CAMSAP2: variants seen among roughly 807,000 people sequenced by gnomAD.
The protein encoded by CAMSAP2 is calmodulin regulated spectrin associated protein family member 2.
Under a neutral mutation model 146.1 loss-of-function variants are expected in CAMSAP2, and 26 were observed. The ratio of observed to expected loss-of-function variants is 0.18; its 90% CI spans 0.13 to 0.25. The LOEUF is 0.25. CAMSAP2 is among the 10% of genes least tolerant of loss of function. The pLI, the probability that CAMSAP2 is intolerant of heterozygous loss-of-function variation, is 1.00. For missense variants in CAMSAP2, 1,381 were observed against 1,759.3 expected (o/e 0.78, Z 3.85); for synonymous variants, 499 against 596.6 (o/e 0.84, Z 2.38).
chr1:200,785,616 G>A (rs1400008018), intron 2 of CAMSAP2, among the ~76,000 whole-genome samples: 1 of 152,028 alleles, frequency 6.6e-6, no homozygotes, highest in Non-Finnish European at 1.5e-5. Context: ...TCTCGAACTC[G>A]TGACCTCAAG....
At chr1:200,782,506 G>A (rs568506570) in intron 2 of CAMSAP2, among the ~76,000 whole-genome samples, 63 of 152,124 alleles carry the variant, frequency 4.1e-4, no homozygotes, top group African/African-American at 1.3e-3. Context: ...CAGTTCTGTC[G>A]TTGTAGATTA....
At chr1:200,750,901 CTTTT>C (rs55953656) in intron 1 of CAMSAP2, among the ~76,000 whole-genome samples, 3 of 91,580 alleles carry the variant, frequency 3.3e-5, no homozygotes, top group Non-Finnish European at 4.5e-5. Flanking sequence ...CCGCGCCTGC[CTTTT>C]TTTTTTTTTT....
chr1:200,806,759 G>A (rs1201420299), intron 2 of CAMSAP2, among the ~76,000 whole-genome samples: 34 of 132,212 alleles, frequency 2.6e-4, no homozygotes, highest in African/African-American at 9.3e-4. Context: ...GTGTGTGTGT[G>A]TGTGTGTATC....
At chr1:200,786,938 A>C (rs6691268) in intron 2 of CAMSAP2, among the ~76,000 whole-genome samples, 110,055 of 151,692 alleles carry the variant, frequency 0.73, 39,998 homozygotes, top group Middle Eastern at 0.78. Flanking sequence ...ATAAGTAGAA[A>C]AACAAAGCCT....
intron 4 of CAMSAP2, among the ~76,000 whole-genome samples, chr1:200,824,700 C>T (rs954241563): frequency 7.9e-5 from 12 of 152,104 alleles, no homozygotes; most frequent in Admixed American, 2.6e-4. Context: ...ACCTACTGGC[C>T]GGGCATGGTG....
rs917484132 is a variant in CAMSAP2 at position 200,739,195 on chromosome 1, G to A, written c.-633G>A. On this transcript the variant is annotated 5_prime_UTR_variant, in exon 1 of 17. Transcript: ENST00000358823. The surrounding 1 kb of genome is among the most constrained non-coding windows in gnomAD (Gnocchi z 4.8). ...ACGGGCCGGCGGCGGCCTGTGAGCC[G>A]CAGTGATTTTGACGTTTTCCGCTGC... Among the ~76,000 whole-genome samples the A allele has an allele frequency of 2.0e-5, 3 of 151,998 alleles. No individual in the cohort carries two copies. Among genetic ancestry groups the A allele is most frequent in the African/African-American group, 7.2e-5 (3 of 41,414 alleles).
intron 2 of CAMSAP2, among the ~76,000 whole-genome samples, chr1:200,775,779 C>CG (rs1337546949): frequency 6.6e-6 from 1 of 152,164 alleles, no homozygotes; most frequent in African/African-American, 2.4e-5. Context: ...GATCCACCCC[C>CG]CTCGGCCTCC....
chr1:200,854,984 T>C, intron 14 of CAMSAP2, 95 bp downstream of exon 14: 1 of 856,492 alleles, frequency 1.2e-6, no homozygotes, highest in Non-Finnish European at 1.8e-6. Context: ...TTTTTACATT[T>C]TATAATGACC....
At chr1:200,804,514 A>G (rs971644529) in intron 2 of CAMSAP2, among the ~76,000 whole-genome samples, 2 of 152,234 alleles carry the variant, frequency 1.3e-5, no homozygotes, top group African/African-American at 4.8e-5. Context: ...TCTTAAGAGT[A>G]CATGAATGAT....
intron 13 of CAMSAP2, among the ~76,000 whole-genome samples, chr1:200,854,279 G>T (rs141732515): frequency 3.3e-5 from 5 of 152,200 alleles, no homozygotes; most frequent in Non-Finnish European, 5.9e-5. Context: ...ACTGCGCCTG[G>T]CCATACTCTT....
rs1667650082 is a variant in CAMSAP2 at position 200,852,616 on chromosome 1, G to A, written c.3541G>A (p.Glu1181Lys). 1 of 1,613,788 alleles carries A rather than the reference G, an allele frequency of 6.2e-7. No homozygotes were observed. Among genetic ancestry groups the A allele is most frequent in the South Asian group, 1.1e-5 (1 of 91,050 alleles). ...LLEKRLRREK[E>K]TQLRKQQLEA... is the part of the protein sequence containing the mutation. ...GGAGAAAAGATTAAGAAGGGAAAAG[G>A]AAACTCAGCTCCGGAAACAACAGTT... is the stretch of plus-strand genomic sequence containing the variant. Residue 1181 changes from glutamate to lysine, a missense_variant, in exon 12 of 17, where the codon GAA becomes AAA. Transcript: ENST00000358823.
At chr1:200,794,383 T>C (rs889118301) in intron 2 of CAMSAP2, among the ~76,000 whole-genome samples, 3 of 152,200 alleles carry the variant, frequency 2.0e-5, no homozygotes, top group Admixed American at 6.5e-5. Flanking sequence ...CTTTCTTCTT[T>C]CCCTATCTCT....
At chr1:200,801,861 G>A (rs979916443) in intron 2 of CAMSAP2, among the ~76,000 whole-genome samples, 4 of 152,064 alleles carry the variant, frequency 2.6e-5, no homozygotes, top group East Asian at 1.9e-4. Flanking sequence ...TCTTTAACTC[G>A]TCTTAGTACC....
At position 200,739,998 on chromosome 1, in the gene CAMSAP2, C is replaced by G; in HGVS notation, c.139+32C>G. 6.2e-7 allele frequency: 1 copy of G among 1,609,432 alleles called. No homozygotes were observed. The highest frequency in any genetic ancestry group is 2.2e-5 in the East Asian group (1 of 44,808). ...GGTGTCACCCTTTCCCTCCCCTCTT[C>G]CTCCTGATGTGGTCCACATCTCGGT... On this transcript the variant is annotated intron_variant, in intron 1 of 16. Coordinates refer to ENST00000358823, the MANE Select transcript of CAMSAP2 (RefSeq NM_203459.4). The surrounding 1 kb of genome is among the most constrained non-coding windows in gnomAD (Gnocchi z 4.8).
chr1:200,760,305 C>A (rs1664765603), intron 1 of CAMSAP2, among the ~76,000 whole-genome samples: 1 of 152,154 alleles, frequency 6.6e-6, no homozygotes, highest in South Asian at 2.1e-4. Context: ...TGTCAGCAAG[C>A]TAAGCATGAA....
intron 2 of CAMSAP2, among the ~76,000 whole-genome samples, chr1:200,770,817 C>T (rs889694508): frequency 3.0e-4 from 45 of 152,064 alleles, no homozygotes; most frequent in Non-Finnish European, 6.6e-4. Flanking sequence ...ATTACCATCT[C>T]TTTTTTCACA....
chr1:200,815,567 G>T lies in CAMSAP2; in HGVS notation c.568G>T (p.Glu190Ter). The T allele has an allele frequency of 1.3e-6, 2 of 1,510,596 alleles. No homozygotes were observed. The highest frequency in any genetic ancestry group is 2.1e-5 in the Admixed American group (1 of 48,382). 93.6% of individuals were successfully genotyped at this position (1,510,596 alleles called of 1,614,324 possible). Residue 190 changes from glutamate to a stop codon, truncating the protein, a stop_gained, in exon 4 of 17, where the codon GAA (glutamate) becomes TAA (stop). Coordinates refer to ENST00000358823, the MANE Select transcript of CAMSAP2 (RefSeq NM_203459.4). LOFTEE classifies it high-confidence loss of function. ...AVMYWINKVN[E>*]HLKDIMEQEQ... The stretch of plus-strand genomic sequence containing the variant: ...GATATTTTTATATTTTAAGGTAAAT[G>T]AACATTTGAAAGACATAATGGAACA...
intron 2 of CAMSAP2, among the ~76,000 whole-genome samples, chr1:200,764,412 C>T (rs978630513): frequency 1.3e-5 from 2 of 152,150 alleles, no homozygotes; most frequent in African/African-American, 4.8e-5. Context: ...GAAGAATTTA[C>T]ACCAGACTGT....
chr1:200,758,114 T>C (rs543727286), intron 1 of CAMSAP2, among the ~76,000 whole-genome samples: 22 of 152,308 alleles, frequency 1.4e-4, no homozygotes, highest in African/African-American at 5.3e-4. Flanking sequence ...AGAATGCATG[T>C]TTAGGACTGT....
Sources: allele counts gnomAD v4.1 joint callset (sites outside exome capture counted in the v4.1 genomes callset), GRCh38; gene constraint gnomAD v4.1.1; non-coding constraint Gnocchi (gnomAD v3.1); transcripts MANE v1.5; gene names NCBI Gene and HGNC (gene_info 2026-07-23, HGNC 2026-07-21).